The following VPS13D variants were observed in gnomAD, a reference collection of about 807,000 sequenced individuals.
VPS13D encodes intermembrane lipid transfer protein VPS13D.
In VPS13D, 187 loss-of-function variants were observed where a neutral mutation model predicts 461.9. The ratio of observed to expected loss-of-function variants is 0.40; its 90% CI spans 0.36 to 0.46. The LOEUF (loss-of-function observed/expected upper bound fraction) is 0.46, where lower values mean the gene tolerates loss of function less well. Ranked by LOEUF, VPS13D falls within the 20% of genes least tolerant of loss-of-function variation. VPS13D has a pLI of 0.60. For synonymous variants in VPS13D, 1,951 were observed against 1,986.3 expected (o/e 0.98, Z 0.47); for missense variants, 4,711 against 5,364.9 (o/e 0.88, Z 3.81).
intron 55 of VPS13D, among the ~76,000 whole-genome samples, chr1:12,377,248 C>T (rs985543317): frequency 2.0e-5 from 3 of 151,052 alleles, no homozygotes; most frequent in Admixed American, 6.6e-5. Context: ...TTAGTAGAGA[C>T]GGGGTTTCAC....
At chr1:12,335,557 T>C in intron 38 of VPS13D, 148 bp from the exon 39 acceptor site, 1 of 959,890 alleles carries the variant, frequency 1.0e-6, no homozygotes, top group Non-Finnish European at 1.5e-6. Context: ...CGTGAGGCTC[T>C]CCAGGGCATA....
At chr1:12,351,620 C>CT (rs1247615502) in intron 46 of VPS13D, among the ~76,000 whole-genome samples, 1 of 141,426 alleles carries the variant, frequency 7.1e-6, no homozygotes, top group Admixed American at 7.2e-5. Flanking sequence ...GAGACAGAGT[C>CT]TTGCTGTGTC....
chr1:12,480,475 G>A (rs1001600046), intron 67 of VPS13D, among the ~76,000 whole-genome samples: 3 of 152,126 alleles, frequency 2.0e-5, no homozygotes, highest in East Asian at 1.9e-4. Flanking sequence ...ATGATTCCAT[G>A]GTCAAAGTGC....
At chr1:12,500,952 G>A (rs1369866035) in intron 68 of VPS13D, among the ~76,000 whole-genome samples, 1 of 151,900 alleles carries the variant, frequency 6.6e-6, no homozygotes, top group African/African-American at 2.4e-5. Flanking sequence ...TACTTGGGAA[G>A]CTGAGGTGGG....
At chr1:12,436,773 A>G (rs1042708806) in intron 65 of VPS13D, among the ~76,000 whole-genome samples, 5 of 152,020 alleles carry the variant, frequency 3.3e-5, no homozygotes, top group African/African-American at 9.7e-5. Context: ...GATTCAAGCA[A>G]TTCTCCTGCC....
chr1:12,453,323 G>A (rs1382067158), intron 65 of VPS13D, among the ~76,000 whole-genome samples: 1 of 152,100 alleles, frequency 6.6e-6, no homozygotes, highest in Non-Finnish European at 1.5e-5. Flanking sequence ...AGCTGCCAGC[G>A]ATAGGTAAAG....
At chr1:12,399,258 G>A (rs925510993) in intron 60 of VPS13D, among the ~76,000 whole-genome samples, 7 of 150,014 alleles carry the variant, frequency 4.7e-5, no homozygotes, top group South Asian at 2.1e-4. Flanking sequence ...GTGCAGTGGC[G>A]CTATCTCGGC....
intron 7 of VPS13D, among the ~76,000 whole-genome samples, chr1:12,254,565 C>G (rs1027702183): frequency 7.1e-6 from 1 of 141,610 alleles, no homozygotes; most frequent in Non-Finnish European, 1.5e-5. Context: ...GCTCTGTCAC[C>G]CAGGCTGGAG....
chr1:12,249,879 TTCAA>T (rs1640679800), intron 6 of VPS13D, among the ~76,000 whole-genome samples: 3 of 152,164 alleles, frequency 2.0e-5, no homozygotes, highest in African/African-American at 4.8e-5. Flanking sequence ...TGTCCTATAG[TTCAA>T]GTCAATTCTG....
At chr1:12,327,320 C>T (rs1447557721) in intron 35 of VPS13D, among the ~76,000 whole-genome samples, 1 of 152,204 alleles carries the variant, frequency 6.6e-6, no homozygotes, top group African/African-American at 2.4e-5. Context: ...CTTCTCTCCT[C>T]TCCTTCAACA....
intron 65 of VPS13D, among the ~76,000 whole-genome samples, chr1:12,439,700 G>A (rs542718540): frequency 6.6e-6 from 1 of 152,292 alleles, no homozygotes; most frequent in African/African-American, 2.4e-5. Context: ...TTAGAACAGT[G>A]CCTGGCAAAT....
intron 1 of VPS13D, among the ~76,000 whole-genome samples, chr1:12,233,654 A>G (rs1640056001): frequency 6.6e-6 from 1 of 152,240 alleles, no homozygotes; most frequent in African/African-American, 2.4e-5. Flanking sequence ...GGTAAATTTA[A>G]GAGTGACTAT....
rs770394089 is a variant in VPS13D, at chr1:12,373,789, G to A, written c.10848G>A (p.Lys3616=). The part of the protein sequence containing the change: ...EGTGRPVASN[K]AITCAELVLD... Reference sequence around the variant, plus strand: ...CAGGCAGGCCTGTGGCTTCCAACAAGGCCATTACCTGTGCGGAGCTCGTTT... The same window carrying A: ...CAGGCAGGCCTGTGGCTTCCAACAAAGCCATTACCTGTGCGGAGCTCGTTT... The change falls in exon 55 of 70, where the codon AAG becomes AAA. Residue 3616 remains lysine, a synonymous_variant. Coordinates refer to ENST00000620676, the MANE Select transcript of VPS13D (RefSeq NM_015378.4). 1.3e-6 allele frequency: 2 copies of A among 1,588,728 alleles called. No individual in the cohort carries two copies. The highest frequency in any genetic ancestry group is 8.6e-7 in the Non-Finnish European group (1 of 1,169,112).
At chr1:12,341,069 C>G (rs1643558037) in intron 40 of VPS13D, among the ~76,000 whole-genome samples, 1 of 152,198 alleles carries the variant, frequency 6.6e-6, no homozygotes, top group African/African-American at 2.4e-5. Context: ...TGGTTACTTA[C>G]AGTTTTGTAT....
intron 6 of VPS13D, 26 bp from the exon 7 acceptor site, chr1:12,253,696 T>A: frequency 6.5e-7 from 1 of 1,547,482 alleles, no homozygotes; most frequent in Non-Finnish European, 8.9e-7. Flanking sequence ...GTCATCCTAT[T>A]TTCTTCTTTG....
intron 31 of VPS13D, 111 bp downstream of exon 31, chr1:12,318,448 A>G (rs1642947459): frequency 7.3e-7 from 1 of 1,366,698 alleles, no homozygotes; most frequent in Admixed American, 2.2e-5. Flanking sequence ...GAGCACTTAC[A>G]CATTTGCCTC....
At chr1:12,362,476 T>C (rs1643965770) in intron 50 of VPS13D, among the ~76,000 whole-genome samples, 2 of 152,240 alleles carry the variant, frequency 1.3e-5, no homozygotes, top group Admixed American at 1.3e-4. Context: ...GTGAAGAAAC[T>C]AGGAATTAAG....
At position 12,319,720 on chromosome 1, in the gene VPS13D, G is replaced by A. The variant is rs1569895483; in HGVS notation, c.7548+90G>A. On this transcript the variant is annotated intron_variant, in intron 32 of 69. Coordinates refer to ENST00000620676, the MANE Select transcript of VPS13D (RefSeq NM_015378.4). Reference sequence around the variant, plus strand: ...AATTTTCCCTCTTAAACTTTCATGAGGGGAAGGAATTAATGAAATTGGAAG... The same window carrying A: ...AATTTTCCCTCTTAAACTTTCATGAAGGGAAGGAATTAATGAAATTGGAAG... The A allele has an allele frequency of 3.2e-6, 5 of 1,573,060 alleles. No homozygotes were observed. In the East Asian group the frequency reaches 1.1e-4, roughly 35 times the overall value.
chr1:12,461,264 TG>T (rs1397794066), intron 67 of VPS13D, among the ~76,000 whole-genome samples: 1 of 152,208 alleles, frequency 6.6e-6, no homozygotes, highest in Admixed American at 6.5e-5. Context: ...GCCTAGGGCC[TG>T]GCCCACATCC....
Sources: gnomAD v4.1 joint callset for allele counts (sites outside exome capture counted in the v4.1 genomes callset) on GRCh38, gnomAD v4.1.1 for gene constraint, MANE v1.5 for transcripts, NCBI Gene and HGNC (gene_info 2026-07-23, HGNC 2026-07-21) for gene names.